The following SH3BP5 variants were observed in gnomAD, a reference collection of about 807,000 sequenced individuals.
SH3BP5 encodes the protein SH3 domain-binding protein 5.
Under a neutral mutation model 43.3 loss-of-function variants are expected in SH3BP5, and 22 were observed. The ratio of observed to expected loss-of-function variants is 0.51; its 90% CI spans 0.36 to 0.73. SH3BP5 has a LOEUF of 0.73. Among genes scored for constraint, SH3BP5 ranks in the 30% least tolerant of loss-of-function variants. SH3BP5 has a pLI of 0.00. For missense variants in SH3BP5, 529 were observed against 586.9 expected (o/e 0.90, Z 1.02); for synonymous variants, 255 against 225.8 (o/e 1.13, Z -1.16).
intron 2 of SH3BP5, among the ~76,000 whole-genome samples, chr3:15,316,669 A>G (rs953273576): frequency 3.3e-5 from 5 of 151,978 alleles, no homozygotes; most frequent in Non-Finnish European, 5.9e-5. Context: ...TGTGTGAGAT[A>G]GGCCATCCTC....
At chr3:15,317,581 G>C (rs1034346710) in intron 2 of SH3BP5, among the ~76,000 whole-genome samples, 4 of 151,946 alleles carry the variant, frequency 2.6e-5, no homozygotes, top group Non-Finnish European at 5.9e-5. Flanking sequence ...AACTTATCAG[G>C]GGCTCTTTTA....
In SH3BP5 at chr3:15,304,008, T is replaced by C; in HGVS notation, c.330+95A>G. 3 of 1,037,002 alleles carry C rather than the reference T, an allele frequency of 2.9e-6. No homozygotes were observed. The South Asian group carries it at 4.0e-5, about 14-fold the overall frequency. 64.2% of individuals were successfully genotyped at this position (1,037,002 alleles called of 1,614,324 possible). ...CATTTAAGACATATTGGACTCGAGC[T>C]TCTAACCTTCAGCAGGTGATACAGT... On this transcript the variant is annotated intron_variant, in intron 3 of 8. Coordinates refer to ENST00000383791, the MANE Select transcript of SH3BP5 (RefSeq NM_004844.5).
Position 15,286,947 on chromosome 3 carries a change from G to T in SH3BP5, c.331-17070C>A, listed in dbSNP as rs530829236. On this transcript the variant is annotated intron_variant, in intron 3 of 8. Transcript: ENST00000383791. ...ATAAGATGCAATTTCTGCTCTCAAG[G>T]AGCTCACGGTTCCAGGGCAGGCTTC... Among the ~76,000 whole-genome samples the T allele has an allele frequency of 2.4e-4, 37 of 152,286 alleles. 1 individual carries two copies. The highest frequency in any genetic ancestry group is 2.0e-3 in the Admixed American group (30 of 15,298).
intron 7 of SH3BP5, chr3:15,257,983 G>GT (rs1696283976): frequency 6.6e-6 from 1 of 152,352 alleles, no homozygotes; most frequent in Non-Finnish European, 1.5e-5. Flanking sequence ...CCTTGGTCAA[G>GT]TTACTTTACC....
chr3:15,266,817 C>T (rs1364612520), intron 4 of SH3BP5, among the ~76,000 whole-genome samples: 1 of 152,266 alleles, frequency 6.6e-6, no homozygotes, highest in Non-Finnish European at 1.5e-5. Context: ...CCTAGTATAT[C>T]GGCTTCAGCC....
chr3:15,257,131 A>G lies in SH3BP5; in HGVS notation c.890-18T>C. 1.9e-6 allele frequency: 3 copies of G among 1,609,320 alleles called. No individual in the cohort carries two copies. Among genetic ancestry groups the G allele is most frequent in the Non-Finnish European group, 2.5e-6 (3 of 1,176,604 alleles). ...CGAGGCCACTAAGTTGAGAGAGAAC[A>G]CCAGTCACATGGGTTCTGTCACCTC... is the stretch of plus-strand genomic sequence containing the variant. On this transcript the variant is annotated intron_variant, in intron 7 of 8. Transcript: ENST00000383791.
chr3:15,285,429 A>G (rs369294345), intron 3 of SH3BP5, among the ~76,000 whole-genome samples: 20 of 152,336 alleles, frequency 1.3e-4, no homozygotes, highest in African/African-American at 4.8e-4. Flanking sequence ...TGGGCGATAC[A>G]TAACCCAGAT....
intron 3 of SH3BP5, among the ~76,000 whole-genome samples, chr3:15,279,855 C>G (rs758689558): frequency 4.6e-5 from 7 of 152,152 alleles, no homozygotes; most frequent in Admixed American, 2.0e-4. Context: ...CACCAGCCTG[C>G]AGTTCACCTC....
rs144744489 is a variant in SH3BP5, at chr3:15,282,192, A to T, written c.331-12315T>A. Among the ~76,000 whole-genome samples the T allele has an allele frequency of 1.6e-4, 25 of 152,334 alleles. 1 individual carries two copies. The highest frequency in any genetic ancestry group is 5.8e-4 in the African/African-American group (24 of 41,566). On this transcript the variant is annotated intron_variant, in intron 3 of 8. Transcript: ENST00000383791. ...CCTTGAACAAGTCACTAAACTTTTC[A>T]GATTGGAATGCCAAGGCCTCTGCTA... is the stretch of plus-strand genomic sequence containing the variant.
intron 1 of SH3BP5, among the ~76,000 whole-genome samples, chr3:15,340,561 G>A (rs543909109): frequency 6.6e-6 from 1 of 152,216 alleles, no homozygotes; most frequent in African/African-American, 2.4e-5. Flanking sequence ...GACCAACCTG[G>A]CCAACATGGC....
At chr3:15,275,931 A>T (rs1250279352) in intron 3 of SH3BP5, 1 of 149,362 alleles carries the variant, frequency 6.7e-6, no homozygotes, top group Non-Finnish European at 1.5e-5. Flanking sequence ...GAGGCAGGAG[A>T]ATCACTTGAA....
At chr3:15,330,392 C>T (rs1454207363) in intron 2 of SH3BP5, 112 bp downstream of exon 2, 16 of 871,556 alleles carry the variant, frequency 1.8e-5, no homozygotes, top group Non-Finnish European at 2.9e-5. Context: ...TGCTCAACTC[C>T]CAAGGAGGGG....
At chr3:15,306,345 C>T (rs1220717862) in intron 2 of SH3BP5, among the ~76,000 whole-genome samples, 6 of 151,996 alleles carry the variant, frequency 3.9e-5, no homozygotes, top group African/African-American at 1.2e-4. Flanking sequence ...GGAGACAGAG[C>T]GAGACTCCGT....
Position 15,332,447 on chromosome 3 carries a change from A to T in SH3BP5, c.-39T>A. On this transcript the variant is annotated 5_prime_UTR_variant, in exon 1 of 9. Transcript: ENST00000383791. ...ACGCGCGCCGCGCAGTGGGCTCCGGAGCGCCCCGGGGGTCGCGGCTGCCAC... is the reference window on the plus strand; with the variant it reads ...ACGCGCGCCGCGCAGTGGGCTCCGGTGCGCCCCGGGGGTCGCGGCTGCCAC... 6.7e-7 allele frequency: 1 copy of T among 1,500,150 alleles called. No individual in the cohort carries two copies. The highest frequency in any genetic ancestry group is 8.8e-7 in the Non-Finnish European group (1 of 1,130,522). The allele number at this position is 1,500,150 out of a possible 1,614,324, so 92.9% of individuals were successfully genotyped here.
At chr3:15,334,113 C>A (rs1413420251), upstream of SH3BP5, among the ~76,000 whole-genome samples, 2 of 152,218 alleles carry the variant, frequency 1.3e-5, no homozygotes, top group Non-Finnish European at 2.9e-5. Context: ...ACCCTATCCT[C>A]TCCATTCTAA....
chr3:15,283,959 G>A (rs1697197255), intron 3 of SH3BP5, among the ~76,000 whole-genome samples: 1 of 152,166 alleles, frequency 6.6e-6, no homozygotes. Flanking sequence ...CAAAGAAACT[G>A]GTGAAGGCAC....
At chr3:15,270,455 C>T (rs1159425002) in intron 3 of SH3BP5, among the ~76,000 whole-genome samples, 1 of 152,172 alleles carries the variant, frequency 6.6e-6, no homozygotes, top group Non-Finnish European at 1.5e-5. Flanking sequence ...ACTCAACTCA[C>T]ACCCACTGAC....
chr3:15,272,153 G>C (rs569293256), intron 3 of SH3BP5, among the ~76,000 whole-genome samples: 3 of 152,324 alleles, frequency 2.0e-5, no homozygotes, highest in East Asian at 1.9e-4. Context: ...GAAGGTTAAA[G>C]AAGGGGGAAC....
At chr3:15,256,676 G>GC (rs769822410) in intron 8 of SH3BP5, 177 bp downstream of exon 8, 172 of 707,036 alleles carry the variant, frequency 2.4e-4, no homozygotes, top group Middle Eastern at 4.0e-4. Flanking sequence ...GGAGCCAGGA[G>GC]CCCCCCCAGA....
Sources: allele counts gnomAD v4.1 joint callset (sites outside exome capture counted in the v4.1 genomes callset), GRCh38; gene constraint gnomAD v4.1.1; transcripts MANE v1.5; gene names NCBI Gene and HGNC (gene_info 2026-07-23, HGNC 2026-07-21).